Variants in GRIK2 observed in about 807,000 individuals in gnomAD.
The protein encoded by GRIK2 is glutamate receptor ionotropic, kainate 2.
In GRIK2, 32 loss-of-function variants were observed where a neutral mutation model predicts 100.3. The observed-to-expected ratio is 0.32, with a 90% CI of 0.24 to 0.43. The LOEUF (loss-of-function observed/expected upper bound fraction) is 0.43. Among genes scored for constraint, GRIK2 ranks in the 20% least tolerant of loss-of-function variants. GRIK2 has a pLI of 1.00. For missense variants in GRIK2, 843 were observed against 1,114.9 expected (o/e 0.76, Z 3.47); for synonymous variants, 417 against 389.4 (o/e 1.07, Z -0.83).
chr6:102,048,071 T>A (rs180870916), intron 15 of GRIK2, among the ~76,000 whole-genome samples: 1 of 150,194 alleles, frequency 6.7e-6, no homozygotes, highest in Non-Finnish European at 1.5e-5. Flanking sequence ...ACCCACACTG[T>A]ATGGTCAATT....
rs193019778 is a variant in GRIK2 at position 101,690,046 on chromosome 6, A to T, written c.951+3693A>T. Among the ~76,000 whole-genome samples the T allele has an allele frequency of 2.6e-5, 4 of 152,244 alleles. No homozygotes were observed. The East Asian group carries it at 7.7e-4, about 29-fold the overall frequency. On this transcript the variant is annotated intron_variant, in intron 7 of 16. Coordinates refer to ENST00000369134, the MANE Select transcript of GRIK2 (RefSeq NM_021956.5). ...TGCCAATCAGAGCCCGACAATGGTG[A>T]TACTTGTTATTGATTTATTGAGTTT... is the stretch of plus-strand genomic sequence containing the variant.
chr6:101,871,104 G>C (rs140948684), intron 11 of GRIK2, among the ~76,000 whole-genome samples: 79 of 151,922 alleles, frequency 5.2e-4, no homozygotes, highest in South Asian at 3.5e-3. Context: ...TATAGTACAT[G>C]CTGTAATAAA....
At chr6:101,745,837 C>T (rs1292596807) in intron 7 of GRIK2, among the ~76,000 whole-genome samples, 1 of 152,088 alleles carries the variant, frequency 6.6e-6, no homozygotes, top group African/African-American at 2.4e-5. Context: ...TGTGATTGAG[C>T]TATTTCACCA....
intron 11 of GRIK2, among the ~76,000 whole-genome samples, chr6:101,869,026 G>A (rs1040533814): frequency 6.6e-6 from 1 of 151,766 alleles, no homozygotes; most frequent in Non-Finnish European, 1.5e-5. Flanking sequence ...TCAAGGGAAA[G>A]GGTCAGGGAA....
intron 2 of GRIK2, among the ~76,000 whole-genome samples, chr6:101,594,482 A>G (rs1778815107): frequency 6.6e-6 from 1 of 151,884 alleles, no homozygotes; most frequent in Non-Finnish European, 1.5e-5. Context: ...AGAAAGCACA[A>G]CCATAAAATG....
chr6:101,755,161 GT>G (rs1157640683), intron 7 of GRIK2, among the ~76,000 whole-genome samples: 7,512 of 103,014 alleles, frequency 0.073, 151 homozygotes, highest in East Asian at 0.41. Context: ...TTTCTTTTTG[GT>G]TTTTTTTTTT....
chr6:101,622,263 T>G, intron 3 of GRIK2, 147 bp downstream of exon 3: 1 of 543,766 alleles, frequency 1.8e-6, no homozygotes. Context: ...CATATAAATT[T>G]TATCAGAGAA....
At chr6:101,793,157 C>T (rs1218154873) in intron 7 of GRIK2, among the ~76,000 whole-genome samples, 1 of 152,154 alleles carries the variant, frequency 6.6e-6, no homozygotes, top group Non-Finnish European at 1.5e-5. Context: ...GTTTGAATTT[C>T]CTCCTGTAGC....
At chr6:101,424,114 C>T (rs12214134) in intron 2 of GRIK2, among the ~76,000 whole-genome samples, 90,136 of 151,940 alleles carry the variant, frequency 0.59, 26,766 homozygotes, top group Admixed American at 0.63. Context: ...CAATAAAATT[C>T]ATAACAAGTG....
At position 101,505,537 on chromosome 6, in the gene GRIK2, G is replaced by A. The variant is rs116532116; in HGVS notation, c.115+106145G>A. On this transcript the variant is annotated intron_variant, in intron 2 of 16. Coordinates refer to ENST00000369134, the MANE Select transcript of GRIK2 (RefSeq NM_021956.5). ...ACCAGACATGGAAAACTGAAATAAC[G>A]AGCCAGAGCAATACTATCCATAATT... is the stretch of plus-strand genomic sequence containing the variant. 9.0e-3 allele frequency among the ~76,000 whole-genome samples: 1,370 copies of A among 152,130 alleles called. 26 individuals carry two copies. Among genetic ancestry groups the A allele is most frequent in the African/African-American group, 0.032 (1,310 of 41,520 alleles).
rs1443897226 is a variant in GRIK2 at position 101,608,024 on chromosome 6, T to G, written c.116-13925T>G. On this transcript the variant is annotated intron_variant, in intron 2 of 16. Coordinates refer to ENST00000369134, the MANE Select transcript of GRIK2 (RefSeq NM_021956.5). ...GCAAGCAGAGGACATTTTAAAAGAT[T>G]ATTTTAAAATTATTTAAAAATTTAA... Among the ~76,000 whole-genome samples the G allele has an allele frequency of 2.9e-5, 4 of 135,952 alleles. No individual in the cohort carries two copies. In the East Asian group the frequency reaches 9.1e-4, roughly 31 times the overall value. 89.2% of individuals were successfully genotyped at this position (135,952 alleles called of 152,430 possible).
chr6:101,986,848 T>A (rs551349190), intron 14 of GRIK2, among the ~76,000 whole-genome samples: 1 of 151,898 alleles, frequency 6.6e-6, no homozygotes, highest in African/African-American at 2.4e-5. Flanking sequence ...CTAATCTTAG[T>A]TTTAAAACTG....
At chr6:102,011,081 G>A (rs1257316438) in intron 14 of GRIK2, among the ~76,000 whole-genome samples, 1 of 152,108 alleles carries the variant, frequency 6.6e-6, no homozygotes, top group African/African-American at 2.4e-5. Context: ...TATATGAGAA[G>A]AGTAAGTTTG....
intron 5 of GRIK2, among the ~76,000 whole-genome samples, chr6:101,681,632 G>A (rs1771264419): frequency 6.6e-6 from 1 of 151,832 alleles, no homozygotes. Context: ...AACCTATTGT[G>A]CTATCAAATA....
At position 101,511,448 on chromosome 6, in the gene GRIK2, T is replaced by TA. The variant is rs531680391; in HGVS notation, c.116-110500dup. Among the ~76,000 whole-genome samples the TA allele has an allele frequency of 3.7e-4, 57 of 152,232 alleles. 1 individual carries two copies. In the East Asian group the frequency reaches 0.01, roughly 27 times the overall value. ...TAAGGTTTAGCACAGTAAAATCTGT[T>TA]ATAGAGAGAGGTGAAGTTTATTTAA... On this transcript the variant is annotated intron_variant, in intron 2 of 16. Coordinates refer to ENST00000369134, the MANE Select transcript of GRIK2 (RefSeq NM_021956.5).
intron 4 of GRIK2, among the ~76,000 whole-genome samples, chr6:101,672,045 G>C (rs1770478041): frequency 6.6e-6 from 1 of 152,042 alleles, no homozygotes; most frequent in Non-Finnish European, 1.5e-5. Flanking sequence ...TTAGAGAGGG[G>C]CTGATACTTT....
chr6:101,450,153 T>C (rs1472727461), intron 2 of GRIK2, among the ~76,000 whole-genome samples: 1 of 151,716 alleles, frequency 6.6e-6, no homozygotes, highest in Admixed American at 6.6e-5. Flanking sequence ...ACTTCTATCA[T>C]AGATAGCAAG....
intron 7 of GRIK2, among the ~76,000 whole-genome samples, chr6:101,692,063 A>G (rs1207328271): frequency 7.8e-6 from 1 of 128,548 alleles, no homozygotes; most frequent in Non-Finnish European, 1.7e-5. Flanking sequence ...AAAAAAAAAA[A>G]AAAAGCAATG....
At chr6:101,465,467 A>G (rs1324856868) in intron 2 of GRIK2, among the ~76,000 whole-genome samples, 2 of 152,190 alleles carry the variant, frequency 1.3e-5, no homozygotes, top group Admixed American at 6.5e-5. Context: ...TAAATGGCTG[A>G]ATAGTATTCT....
Sources: gnomAD v4.1 joint callset for allele counts (sites outside exome capture counted in the v4.1 genomes callset) on GRCh38, gnomAD v4.1.1 for gene constraint, MANE v1.5 for transcripts, NCBI Gene and HGNC (gene_info 2026-07-23, HGNC 2026-07-21) for gene names.